Variants in SIPA1L2 observed in about 807,000 individuals in gnomAD.
The protein encoded by SIPA1L2 is signal induced proliferation associated 1 like 2.
In SIPA1L2, 56 loss-of-function variants were observed where a neutral mutation model predicts 163.9. The ratio of observed to expected loss-of-function variants is 0.34; its 90% CI spans 0.28 to 0.43. The LOEUF is 0.43. Ranked by LOEUF, SIPA1L2 falls within the 20% of genes least tolerant of loss-of-function variation. The pLI is 1.00. For missense variants in SIPA1L2, 1,974 were observed against 2,193.5 expected (o/e 0.90, Z 2.00); for synonymous variants, 877 against 865.7 (o/e 1.01, Z -0.23).
chr1:232,404,065 T>G, intron 20 of SIPA1L2, 60 bp downstream of exon 20: 4 of 1,584,870 alleles, frequency 2.5e-6, no homozygotes, highest in Non-Finnish European at 3.5e-6. Flanking sequence ...TGCAGACACA[T>G]GAAATATACA....
intron 2 of SIPA1L2, among the ~76,000 whole-genome samples, chr1:232,552,175 T>C (rs1294788539): frequency 6.6e-6 from 1 of 152,140 alleles, no homozygotes; most frequent in African/African-American, 2.4e-5. Flanking sequence ...GAGGGTTAGA[T>C]TTATATCAAA....
chr1:232,415,065 C>T (rs1002515519), intron 19 of SIPA1L2, among the ~76,000 whole-genome samples: 1 of 152,214 alleles, frequency 6.6e-6, no homozygotes, highest in African/African-American at 2.4e-5. Context: ...TGTGTTTACG[C>T]CAGGTGAACA....
chr1:232,619,034 C>T (rs1662657142), intron 1 of SIPA1L2, among the ~76,000 whole-genome samples: 1 of 152,170 alleles, frequency 6.6e-6, no homozygotes, highest in South Asian at 2.1e-4. Flanking sequence ...TAATAAAATG[C>T]ATCTCTGGAG....
chr1:232,415,399 T>C, intron 19 of SIPA1L2, 95 bp downstream of exon 19: 2 of 1,426,392 alleles, frequency 1.4e-6, no homozygotes, highest in Non-Finnish European at 1.9e-6. Flanking sequence ...GACCAGACGA[T>C]GGGAGACAGA....
At chr1:232,432,076 G>A (rs1353461735) in intron 16 of SIPA1L2, among the ~76,000 whole-genome samples, 171 bp downstream of exon 16, 2 of 152,150 alleles carry the variant, frequency 1.3e-5, no homozygotes, top group Non-Finnish European at 2.9e-5. Context: ...TAAAAATCAA[G>A]AGAATAATTT....
chr1:232,476,798 C>A (rs778798912), intron 7 of SIPA1L2, among the ~76,000 whole-genome samples: 1 of 152,128 alleles, frequency 6.6e-6, no homozygotes, highest in Non-Finnish European at 1.5e-5. Context: ...TGGCATCCAG[C>A]TTGATTTATT....
chr1:232,569,745 G>A (rs531969218), intron 2 of SIPA1L2, among the ~76,000 whole-genome samples: 235 of 152,250 alleles, frequency 1.5e-3, no homozygotes, highest in African/African-American at 5.4e-3. Flanking sequence ...CCCAGGAGGC[G>A]GAGGCTGCAG....
At chr1:232,432,039 A>G (rs565357566) in intron 16 of SIPA1L2, among the ~76,000 whole-genome samples, 1 of 152,368 alleles carries the variant, frequency 6.6e-6, no homozygotes, top group African/African-American at 2.4e-5. Context: ...AAAGCAAAGA[A>G]CACAGATTTC....
chr1:232,567,609 A>G (rs1411589256), intron 2 of SIPA1L2, among the ~76,000 whole-genome samples: 1 of 152,264 alleles, frequency 6.6e-6, no homozygotes, highest in Non-Finnish European at 1.5e-5. Context: ...CCTGATTAGC[A>G]TGAACTAGTC....
chr1:232,572,653 C>A (rs950905141), intron 2 of SIPA1L2, among the ~76,000 whole-genome samples: 8 of 133,914 alleles, frequency 6.0e-5, no homozygotes, highest in African/African-American at 1.9e-4. Context: ...AAATGTTTAT[C>A]GTCAAATACA....
In SIPA1L2 at chr1:232,463,701, T is replaced by C. The variant is rs534593810; in HGVS notation, c.2820+1139A>G. Among the ~76,000 whole-genome samples, 4 of 152,314 alleles carry C rather than the reference T, an allele frequency of 2.6e-5. No homozygotes were observed. In the South Asian group the frequency reaches 8.3e-4, roughly 32 times the overall value. The stretch of plus-strand genomic sequence containing the variant: ...TATGCTAAAAAGAAGTATTTGCAAT[T>C]AGCAAAAGCAGAATGCATCCAGAGA... On this transcript the variant is annotated intron_variant, in intron 9 of 22. Coordinates refer to ENST00000674635, the MANE Select transcript of SIPA1L2 (RefSeq NM_020808.5).
Position 232,445,860 on chromosome 1 carries a change from G to T in SIPA1L2, c.3096-74C>A. 3 of 1,544,642 alleles carry T rather than the reference G, an allele frequency of 1.9e-6. No individual in the cohort carries two copies. In the Admixed American group the frequency reaches 5.4e-5, roughly 28 times the overall value. On this transcript the variant is annotated intron_variant, in intron 10 of 22. Coordinates refer to ENST00000674635, the MANE Select transcript of SIPA1L2 (RefSeq NM_020808.5). Reference sequence around the variant, plus strand: ...GTCAGCATGGCTTACTCACAGCTGGGCCCCTCAACACACATCACATGGTGT... The same window carrying T: ...GTCAGCATGGCTTACTCACAGCTGGTCCCCTCAACACACATCACATGGTGT...
chr1:232,617,286 C>A (rs963425120), intron 1 of SIPA1L2, among the ~76,000 whole-genome samples: 2 of 152,236 alleles, frequency 1.3e-5, no homozygotes, highest in African/African-American at 4.8e-5. Flanking sequence ...AGCACCTCAT[C>A]TCCAGAATGA....
In SIPA1L2 at chr1:232,432,573, G is replaced by A. The variant is rs538886663; in HGVS notation, c.4032-102C>T. 5.8e-5 allele frequency: 66 copies of A among 1,135,036 alleles called. No individual in the cohort carries two copies. In the East Asian group the frequency reaches 1.4e-3, roughly 24 times the overall value. The allele number at this position is 1,135,036 out of a possible 1,614,324, so 70.3% of individuals were successfully genotyped here. A position where few individuals can be genotyped will look rare whatever the true frequency, so the allele number is the denominator to read the frequency against. ...CAAGGCTTTACTCAAGTCTTTCTCCGAGAGCAAAATCGGGCCCAGTGAGGC... is the reference window on the plus strand; with the variant it reads ...CAAGGCTTTACTCAAGTCTTTCTCCAAGAGCAAAATCGGGCCCAGTGAGGC... On this transcript the variant is annotated intron_variant, in intron 15 of 22. Transcript: ENST00000674635.
chr1:232,491,190 C>T (rs1665912220), intron 4 of SIPA1L2, 128 bp from the exon 5 acceptor site: 5 of 742,952 alleles, frequency 6.7e-6, no homozygotes, highest in Non-Finnish European at 1.1e-5. Context: ...GTGAAAGGGG[C>T]GACAGTGTTC....
At chr1:232,484,669 C>G (rs1414633555) in intron 5 of SIPA1L2, among the ~76,000 whole-genome samples, 1 of 152,206 alleles carries the variant, frequency 6.6e-6, no homozygotes, top group African/African-American at 2.4e-5. Flanking sequence ...TCCTATCTTA[C>G]AGTCAATGCC....
At chr1:232,451,568 A>T (rs370940339) in intron 10 of SIPA1L2, among the ~76,000 whole-genome samples, 3 of 152,222 alleles carry the variant, frequency 2.0e-5, no homozygotes, top group African/African-American at 7.2e-5. Context: ...TAACTGCAAC[A>T]TTTTTAAAGA....
chr1:232,417,886 C>T (rs1052086415), intron 18 of SIPA1L2, among the ~76,000 whole-genome samples: 5 of 152,304 alleles, frequency 3.3e-5, no homozygotes, highest in South Asian at 2.1e-4. Flanking sequence ...CTGTGAGGGC[C>T]GCGGAGGTCA....
At chr1:232,413,863 G>C (rs1221417852) in intron 19 of SIPA1L2, among the ~76,000 whole-genome samples, 1 of 152,134 alleles carries the variant, frequency 6.6e-6, no homozygotes, top group Non-Finnish European at 1.5e-5. Flanking sequence ...AGAAAGATCT[G>C]GTCAGAGTGA....
Sources: gnomAD v4.1 joint callset for allele counts (sites outside exome capture counted in the v4.1 genomes callset) on GRCh38, gnomAD v4.1.1 for gene constraint, MANE v1.5 for transcripts, NCBI Gene and HGNC (gene_info 2026-07-23, HGNC 2026-07-21) for gene names.